CADM1: variants seen among roughly 807,000 people sequenced by gnomAD.
CADM1 encodes the protein cell adhesion molecule 1, also known as TSLC-1.
CADM1 carries 15 observed loss-of-function variants against 53.1 expected under a neutral mutation model. That is an observed-to-expected ratio of 0.28 (90% CI 0.19 to 0.44). The LOEUF is 0.44. Ranked by LOEUF, CADM1 falls within the 20% of genes least tolerant of loss-of-function variation. The pLI is 1.00. For missense variants in CADM1, 434 were observed against 611.3 expected, an observed-to-expected ratio of 0.71 and a Z score of 3.06; for synonymous variants, 281 against 243.0, an observed-to-expected ratio of 1.16 and a Z score of -1.45.
At chr11:115,342,665 C>T (rs1038362197) in intron 1 of CADM1, among the ~76,000 whole-genome samples, 1 of 152,124 alleles carries the variant, frequency 6.6e-6, no homozygotes, top group African/African-American at 2.4e-5. Flanking sequence ...CCTGATTTCC[C>T]TCTGCTGAAA....
At chr11:115,192,516 ATTAT>A (rs1006831452) in intron 9 of CADM1, among the ~76,000 whole-genome samples, 1 of 152,242 alleles carries the variant, frequency 6.6e-6, no homozygotes, top group African/African-American at 2.4e-5. Context: ...GATGAATACA[ATTAT>A]TTAAATAACT....
chr11:115,401,313 A>G (rs1947146548), intron 1 of CADM1, among the ~76,000 whole-genome samples: 1 of 152,238 alleles, frequency 6.6e-6, no homozygotes, highest in Non-Finnish European at 1.5e-5. Context: ...GAGACAGTAA[A>G]AAGATCAGGG....
chr11:115,500,893 T>A (rs1949712981), intron 1 of CADM1, among the ~76,000 whole-genome samples: 1 of 152,178 alleles, frequency 6.6e-6, no homozygotes, highest in Non-Finnish European at 1.5e-5. Context: ...CCGATAAGAA[T>A]ATGAAGTCAG....
chr11:115,226,484 AC>A (rs1941612313), intron 5 of CADM1, among the ~76,000 whole-genome samples: 1 of 152,216 alleles, frequency 6.6e-6, no homozygotes, highest in African/African-American at 2.4e-5. Flanking sequence ...AGAACTGCTG[AC>A]TTCAACGGCA....
At chr11:115,307,517 A>AATATAT (rs1555060903) in intron 1 of CADM1, among the ~76,000 whole-genome samples, 32 of 144,302 alleles carry the variant, frequency 2.2e-4, no homozygotes, top group African/African-American at 6.3e-4. Context: ...GGAAAAAAAA[A>AATATAT]ATATATATAT....
intron 1 of CADM1, among the ~76,000 whole-genome samples, chr11:115,360,485 T>A (rs7124066): frequency 6.6e-6 from 1 of 152,198 alleles, no homozygotes; most frequent in Non-Finnish European, 1.5e-5. Flanking sequence ...ATATTCCAGA[T>A]GAAATCCTAG....
intron 1 of CADM1, among the ~76,000 whole-genome samples, chr11:115,359,922 C>T (rs1304923826): frequency 1.3e-5 from 2 of 152,140 alleles, no homozygotes; most frequent in Admixed American, 6.6e-5. Context: ...CTCACAATTG[C>T]CTTGATATTT....
At chr11:115,220,201 A>T (rs1941353519) in intron 5 of CADM1, among the ~76,000 whole-genome samples, 2 of 152,078 alleles carry the variant, frequency 1.3e-5, no homozygotes, top group African/African-American at 4.8e-5. Flanking sequence ...GCAAACAGAG[A>T]GGGCATATTT....
At chr11:115,198,126 GGA>G (rs1565292020) in intron 9 of CADM1, among the ~76,000 whole-genome samples, 1 of 152,150 alleles carries the variant, frequency 6.6e-6, no homozygotes, top group Non-Finnish European at 1.5e-5. Context: ...AAGGTTTGGT[GGA>G]GTTTTGTAAG....
At chr11:115,437,988 GA>G (rs1948221254) in intron 1 of CADM1, among the ~76,000 whole-genome samples, 1 of 152,150 alleles carries the variant, frequency 6.6e-6, no homozygotes, top group South Asian at 2.1e-4. Flanking sequence ...AGAACTCCAG[GA>G]GCACCGTGTA....
At chr11:115,496,114 G>A (rs1365391603) in intron 1 of CADM1, among the ~76,000 whole-genome samples, 3 of 152,156 alleles carry the variant, frequency 2.0e-5, no homozygotes, top group Non-Finnish European at 4.4e-5. Flanking sequence ...ACATTTTCAT[G>A]AATGTATTGT....
chr11:115,389,494 C>T (rs2135177727), intron 1 of CADM1, among the ~76,000 whole-genome samples: 1 of 152,196 alleles, frequency 6.6e-6, no homozygotes, highest in Non-Finnish European at 1.5e-5. Context: ...ATGTAGTTTT[C>T]AAAAACTGAG....
At chr11:115,449,045 A>AAAATATCTC in intron 1 of CADM1, among the ~76,000 whole-genome samples, 1 of 152,324 alleles carries the variant, frequency 6.6e-6, no homozygotes, top group Middle Eastern at 3.4e-3. Flanking sequence ...CAAGAGGGAA[A>AAAATATCTC]AAATATCTCA....
intron 1 of CADM1, among the ~76,000 whole-genome samples, chr11:115,392,508 T>G (rs1178398189): frequency 1.3e-5 from 2 of 152,132 alleles, no homozygotes; most frequent in Admixed American, 1.3e-4. Context: ...CATTAAACAT[T>G]GATTCAGAAA....
chr11:115,445,705 G>A (rs948322258), intron 1 of CADM1: 24 of 431,788 alleles, frequency 5.6e-5, no homozygotes, highest in South Asian at 8.1e-5. Flanking sequence ...TTAGCTGGGC[G>A]TGGTAGTGTG....
At chr11:115,336,507 C>A (rs1374723659) in intron 1 of CADM1, among the ~76,000 whole-genome samples, 2 of 152,094 alleles carry the variant, frequency 1.3e-5, no homozygotes, top group Non-Finnish European at 2.9e-5. Flanking sequence ...TACAGTAAAA[C>A]CTCTATTACT....
At chr11:115,314,027 G>A (rs1444620589) in intron 1 of CADM1, among the ~76,000 whole-genome samples, 1 of 152,170 alleles carries the variant, frequency 6.6e-6, no homozygotes, top group African/African-American at 2.4e-5. Context: ...TGATAGAGAT[G>A]CAAGATATTG....
intron 1 of CADM1, among the ~76,000 whole-genome samples, chr11:115,374,726 A>G (rs919817117): frequency 9.9e-5 from 15 of 152,206 alleles, no homozygotes; most frequent in African/African-American, 3.6e-4. Flanking sequence ...ATTTTTAAAA[A>G]ACATGTTAAA....
chr11:115,190,024 T>C (rs189903518), intron 10 of CADM1, among the ~76,000 whole-genome samples: 1 of 152,228 alleles, frequency 6.6e-6, no homozygotes. Context: ...GGAGCTTCAG[T>C]AAAAGCGCCT....
Sources: allele counts gnomAD v4.1 joint callset (sites outside exome capture counted in the v4.1 genomes callset), GRCh38; gene constraint gnomAD v4.1.1; transcripts MANE v1.5; gene names NCBI Gene and HGNC (gene_info 2026-07-23, HGNC 2026-07-21).